Variants in VPS28 observed in about 807,000 individuals in gnomAD.
The protein encoded by VPS28 is VPS28 subunit of ESCRT-I, also known as vacuolar protein sorting-associated protein 28 homolog.
Under a neutral mutation model 33.7 loss-of-function variants are expected in VPS28, and 29 were observed. That is an observed-to-expected ratio of 0.86 (90% confidence interval 0.64 to 1.17). The LOEUF (loss-of-function observed/expected upper bound fraction) is 1.17, where lower values mean the gene tolerates loss of function less well. Among genes scored for constraint, VPS28 ranks in the 50% most tolerant of loss-of-function variants. The pLI, the probability that VPS28 is intolerant of heterozygous loss-of-function variation, is 0.00. For missense variants in VPS28, 247 were observed against 312.2 expected (o/e 0.79, Z 1.57); for synonymous variants, 164 against 116.7 (o/e 1.40, Z -2.61).
intron 1 of VPS28, among the ~76,000 whole-genome samples, chr8:144,427,613 T>C (rs1822867532): frequency 6.6e-6 from 1 of 152,118 alleles, no homozygotes; most frequent in South Asian, 2.1e-4. Flanking sequence ...TAAGTAGGCA[T>C]GAACTTGGAG....
Position 144,425,765 on chromosome 8 carries a change from TGTC to T in VPS28, c.109_111del (p.Asp37del). ...ACCACCGCAAACAGCTCTGCCATGT[TGTC>T]GTACCTGAGGACACACCTGTCTATC... is the stretch of plus-strand genomic sequence containing the variant. On this transcript the variant is annotated inframe_deletion, in exon 5 of 10. Transcript: ENST00000292510. 6.2e-7 allele frequency: 1 copy of T among 1,613,888 alleles called. No homozygotes were observed. Among genetic ancestry groups the T allele is most frequent in the Non-Finnish European group, 8.5e-7 (1 of 1,179,922 alleles).
At chr8:144,427,989 T>C (rs1305501273) in intron 1 of VPS28, among the ~76,000 whole-genome samples, 3 of 151,768 alleles carry the variant, frequency 2.0e-5, no homozygotes, top group African/African-American at 7.3e-5. Flanking sequence ...CTGAGCCGGC[T>C]AACTGGGAGT....
In VPS28 at chr8:144,424,121, G is replaced by A. The variant is rs782374905; in HGVS notation, c.468C>T (p.Asp156=). 3.9e-6 allele frequency: 6 copies of A among 1,549,758 alleles called. No homozygotes were observed. Among genetic ancestry groups the A allele is most frequent in the East Asian group, 4.5e-5 (2 of 44,240 alleles). The change falls in exon 9 of 10, where the codon GAC becomes GAT. Residue 156 remains aspartate, a synonymous_variant. Transcript: ENST00000292510. ...EIRAMDEIQP[D]LRELMETMHR... ...GCATGGTCTCCATCAGCTCTCGCAG[G>A]TCGGGCTGGATCTGAGACACACACA...
At position 144,424,148 on chromosome 8, in the gene VPS28, C is replaced by T. The variant is rs186367372; in HGVS notation, c.457-16G>A. The stretch of plus-strand genomic sequence containing the variant: ...CGGGCTGGATCTGAGACACACACAG[C>T]GGCTGGGACCCCGACGCCGGCTCCA... On this transcript the variant is annotated splice_polypyrimidine_tract_variant and intron_variant, in intron 8 of 9. Transcript: ENST00000292510. The T allele has an allele frequency of 1.2e-3, 1,907 of 1,550,210 alleles. 21 individuals carry two copies. The highest frequency in any genetic ancestry group is 5.9e-3 in the African/African-American group (434 of 73,428).
chr8:144,425,951 T>C, intron 4 of VPS28, 75 bp downstream of exon 4: 1 of 1,470,556 alleles, frequency 6.8e-7, no homozygotes, highest in Non-Finnish European at 9.1e-7. Flanking sequence ...CAGTTTGGGG[T>C]GGGTCTGGAG....
chr8:144,425,156 C>CGACA (rs1287745516), intron 5 of VPS28, 105 bp from the exon 6 acceptor site: 2 of 1,038,220 alleles, frequency 1.9e-6, no homozygotes, highest in Non-Finnish European at 2.9e-6. Context: ...GAGGACCAGG[C>CGACA]GACAGGCAAA....
intron 9 of VPS28, 51 bp downstream of exon 9, chr8:144,423,990 G>A (rs1822542015): frequency 6.2e-7 from 1 of 1,608,814 alleles, no homozygotes; most frequent in Admixed American, 1.7e-5. Flanking sequence ...CCGCCTGGCT[G>A]GGAGGGTCTC....
Position 144,425,685 on chromosome 8 carries a change from G to A in VPS28, c.192C>T (p.Ser64=), listed in dbSNP as rs1822681390. ...CCTCCCAGGACGTGGGCTCTTACTC[G>A]CTGGGGGAGACACAGTCCTTGATGT... is the stretch of plus-strand genomic sequence containing the variant. The part of the protein sequence containing the change: ...KAYIKDCVSP[S]EYTAACSRLL... The change falls in exon 5 of 10, where the codon AGC becomes AGT. Residue 64 remains serine, a splice_region_variant and synonymous_variant. Transcript: ENST00000292510. 1.9e-6 allele frequency: 3 copies of A among 1,613,694 alleles called. No homozygotes were observed. Among genetic ancestry groups the A allele is most frequent in the South Asian group, 1.1e-5 (1 of 91,080 alleles).
At chr8:144,427,337 AAGACAGCCCGTAAGTGCCAGGTCCTGG>A (rs1364429766) in intron 1 of VPS28, 1 of 173,776 alleles carries the variant, frequency 5.8e-6, no homozygotes, top group Non-Finnish European at 1.2e-5. Flanking sequence ...CCGACAAAAA[AAGACAGCCCGTAAGTGCCAGGTCCTGG>A]AGACCCAGGG....
At chr8:144,425,924 T>C in intron 4 of VPS28, 102 bp downstream of exon 4, 2 of 1,479,392 alleles carry the variant, frequency 1.4e-6, no homozygotes, top group South Asian at 2.7e-5. Flanking sequence ...AGACTGACCC[T>C]GCGTCCTCCC....
Position 144,423,909 on chromosome 8 carries a change from T to C in VPS28, c.562A>G (p.Ser188Gly), listed in dbSNP as rs373475692. 2.2e-5 allele frequency: 35 copies of C among 1,613,100 alleles called. No individual in the cohort carries two copies. The African/African-American group carries it at 4.4e-4, about 20-fold the overall frequency. The change falls in exon 10 of 10, where the codon AGC (serine) becomes GGC (glycine). Residue 188 changes from serine to glycine, a missense_variant. By Grantham distance (56) the Ser-to-Gly change is moderately conservative. Transcript: ENST00000292510. ...QTVSQWLQTL[S>G]GMSASDELDD... ...AGCTCATCTGACGCCGACATGCCGC[T>C]CAGGGTCTGCAGCCTGGGAGTGCAG...
chr8:144,424,957 G>C lies in VPS28; in HGVS notation c.289C>G (p.Arg97Gly), dbSNP rs782803588. 6.4e-7 allele frequency: 1 copy of C among 1,573,076 alleles called. No individual in the cohort carries two copies. Among genetic ancestry groups the C allele is most frequent in the African/African-American group, 1.4e-5 (1 of 74,008 alleles). ...GACCAGGCACTCACGCGGAACTTGC[G>C]GCAGAATTCGTCAATAGAGCTGATT... is the stretch of plus-strand genomic sequence containing the variant. ...SEISSIDEFCRKFRLDCPLAM... is the reference protein window; with the variant it reads ...SEISSIDEFCGKFRLDCPLAM... Residue 97 changes from arginine to glycine, a missense_variant, in exon 6 of 10, where the codon CGC becomes GGC. Around this residue, in one of 3 missense-constraint regions of VPS28, gnomAD observed 149 missense variants for 172.8 expected, o/e 0.86. Coordinates refer to ENST00000292510, the MANE Select transcript of VPS28 (RefSeq NM_016208.4).
chr8:144,425,584 G>A (rs1190462768), intron 5 of VPS28, 99 bp downstream of exon 5: 1 of 1,312,214 alleles, frequency 7.6e-7, no homozygotes, highest in Non-Finnish European at 1.1e-6. Context: ...CCCCACACAA[G>A]TGGGTGCCTC....
rs1423196704 is a variant in VPS28 at position 144,423,705 on chromosome 8, C to CA, written c.*99dup. The CA allele has an allele frequency of 4.3e-5, 63 of 1,456,942 alleles. No homozygotes were observed. The highest frequency in any genetic ancestry group is 1.1e-4 in the Admixed American group (6 of 53,978). The allele number at this position is 1,456,942 out of a possible 1,614,324, so 90.3% of individuals were successfully genotyped here. A position where few individuals can be genotyped will look rare whatever the true frequency, so the allele number is the denominator to read the frequency against. On this transcript the variant is annotated 3_prime_UTR_variant, in exon 10 of 10. Transcript: ENST00000292510. ...CAGACACCAGACAGGCAGCTGCAGA[C>CA]AGTGAGTTGTGTGGATGACCACGGC...
At chr8:144,427,004 T>C in intron 1 of VPS28, 25 bp from the exon 2 acceptor site, 1 of 1,587,096 alleles carries the variant, frequency 6.3e-7, no homozygotes. Flanking sequence ...CAGGGCCGAC[T>C]CAAAGATGGC....
chr8:144,428,204 G>A (rs1013063895), intron 1 of VPS28, among the ~76,000 whole-genome samples: 2 of 152,236 alleles, frequency 1.3e-5, no homozygotes, highest in Admixed American at 1.3e-4. Flanking sequence ...CCGTCACGGA[G>A]CCGCCAGGCA....
In VPS28 at chr8:144,426,360, C is replaced by T. The variant is rs2130820650; in HGVS notation, c.38-152G>A. The T allele has an allele frequency of 5.8e-6, 6 of 1,039,750 alleles. No homozygotes were observed. In the East Asian group the frequency reaches 1.7e-4, roughly 29 times the overall value. The allele number at this position is 1,039,750 out of a possible 1,614,324, so 64.4% of individuals were successfully genotyped here. A position where few individuals can be genotyped will look rare whatever the true frequency, so the allele number is the denominator to read the frequency against. ...AGCTGGAGCACAGAGGTTCCAACCT[C>T]ACCCCTATCAGTGTGTGGGGGGACC... On this transcript the variant is annotated intron_variant, in intron 2 of 9. Transcript: ENST00000292510.
chr8:144,425,159 C>G, intron 5 of VPS28, 108 bp from the exon 6 acceptor site: 1 of 927,128 alleles, frequency 1.1e-6, no homozygotes, highest in South Asian at 1.5e-5. Flanking sequence ...GACCAGGCGA[C>G]AGGCAAAGGC....
Position 144,424,962 on chromosome 8 carries a change from A to G in VPS28, c.284T>C (p.Phe95Ser). Residue 95 changes from phenylalanine to serine, a missense_variant, in exon 6 of 10, where the codon TTC (phenylalanine) becomes TCC (serine). Physicochemically the swap from Phe to Ser is radical, Grantham distance 155 (BLOSUM62 -2). Coordinates refer to ENST00000292510, the MANE Select transcript of VPS28 (RefSeq NM_016208.4). ...QGSEISSIDE[F>S]CRKFRLDCPL... ...GGCACTCACGCGGAACTTGCGGCAGAATTCGTCAATAGAGCTGATTTCTGA... is the reference window on the plus strand; with the variant it reads ...GGCACTCACGCGGAACTTGCGGCAGGATTCGTCAATAGAGCTGATTTCTGA... The G allele has an allele frequency of 6.4e-7, 1 of 1,570,230 alleles. No individual in the cohort carries two copies. Among genetic ancestry groups the G allele is most frequent in the Non-Finnish European group, 8.6e-7 (1 of 1,156,618 alleles).
Sources: gnomAD v4.1 joint callset for allele counts (sites outside exome capture counted in the v4.1 genomes callset) on GRCh38, gnomAD v4.1.1 for gene constraint, gnomAD v4.1.1 regional missense constraint, MANE v1.5 for transcripts, NCBI Gene and HGNC (gene_info 2026-07-23, HGNC 2026-07-21) for gene names.